Variants in MAX observed in about 807,000 individuals in gnomAD.
MAX encodes the protein protein max.
In MAX, 3 loss-of-function variants were observed where a neutral mutation model predicts 22.3. The observed-to-expected ratio is 0.13, with a 90% CI of 0.06 to 0.35. The LOEUF (loss-of-function observed/expected upper bound fraction) is 0.35, where lower values mean the gene tolerates loss of function less well. MAX is among the 10% of genes least tolerant of loss of function. The pLI, the probability that MAX is intolerant of heterozygous loss-of-function variation, is 1.00. For synonymous variants in MAX, 72 were observed against 77.7 expected, an observed-to-expected ratio of 0.93 and a Z score of 0.39; for missense variants, 119 against 209.4, an observed-to-expected ratio of 0.57 and a Z score of 2.66.
In MAX at chr14:65,102,378, G is replaced by T; in HGVS notation, c.-39C>A. 6.2e-7 allele frequency: 1 copy of T among 1,609,004 alleles called. No homozygotes were observed. On this transcript the variant is annotated 5_prime_UTR_variant, in exon 1 of 5. Transcript: ENST00000358664. ...GGGAGCGGCCACTGCAGCGGCGGCGGGGAGGGGAAGGGGTGAAGGGGAGGG... is the reference window on the plus strand; with the variant it reads ...GGGAGCGGCCACTGCAGCGGCGGCGTGGAGGGGAAGGGGTGAAGGGGAGGG...
At chr14:65,094,008 C>G in intron 2 of MAX, 193 bp from the exon 3 acceptor site, 1 of 635,216 alleles carries the variant, frequency 1.6e-6, no homozygotes, top group Non-Finnish European at 2.9e-6. Context: ...GGGTGAGCAA[C>G]GCTTGCGACA....
Position 65,026,283 on chromosome 14 carries a change from G to A in MAX, c.172-19999C>T, listed in dbSNP as rs186634234. ...TTTCTGGTGCACTTCGGAAGACCCC[G>A]GACTGATGATAGGGCTCTCTTGATT... is the stretch of plus-strand genomic sequence containing the variant. On this transcript the variant is annotated intron_variant, in intron 3 of 3. Coordinates refer to the MAX transcript ENST00000341653. 1.6e-4 allele frequency among the ~76,000 whole-genome samples: 24 copies of A among 152,270 alleles called. No homozygotes were observed. In the East Asian group the frequency reaches 2.9e-3, roughly 18 times the overall value.
chr14:65,093,210 G>A lies in MAX; in HGVS notation c.171+498C>T, dbSNP rs1459334925. Among the ~76,000 whole-genome samples the A allele has an allele frequency of 2.6e-5, 4 of 151,998 alleles. No individual in the cohort carries two copies. Among genetic ancestry groups the A allele is most frequent in the South Asian group, 2.1e-4 (1 of 4,806 alleles). Reference sequence around the variant, plus strand: ...CCACAGCTTAAAATGCTCTTTATACGCCTTGGAAATAACAATTATTGGGGC... The same window carrying A: ...CCACAGCTTAAAATGCTCTTTATACACCTTGGAAATAACAATTATTGGGGC... On this transcript the variant is annotated intron_variant, in intron 3 of 4. Coordinates refer to ENST00000358664, the MANE Select transcript of MAX (RefSeq NM_002382.5). The surrounding 1 kb of genome is among the most constrained non-coding windows in gnomAD (Gnocchi z 4.4).
chr14:65,091,012 A>G (rs1296870411), intron 3 of MAX, among the ~76,000 whole-genome samples: 1 of 152,246 alleles, frequency 6.6e-6, no homozygotes. Context: ...CTAAGGGAGA[A>G]GTCAGCTGAA....
At chr14:65,072,534 T>C (rs2139722806), downstream of MAX, among the ~76,000 whole-genome samples, 1 of 152,342 alleles carries the variant, frequency 6.6e-6, no homozygotes. Flanking sequence ...CGGGTTATAT[T>C]ACTGTTGGGA....
chr14:65,045,406 C>G (rs2062453781), intron 3 of MAX, among the ~76,000 whole-genome samples: 2 of 144,600 alleles, frequency 1.4e-5, no homozygotes, highest in South Asian at 2.4e-4. Context: ...CCCCCCACCC[C>G]CCGTCTTCCC....
intron 3 of MAX, chr14:65,083,599 G>A (rs1429032142): frequency 8.8e-6 from 4 of 451,990 alleles, no homozygotes; most frequent in African/African-American, 2.1e-5. Context: ...ATGCTGACGT[G>A]AGAAACAATA....
At chr14:65,061,413 C>T in intron 3 of MAX, 1 of 1,506,748 alleles carries the variant, frequency 6.6e-7, no homozygotes, top group Non-Finnish European at 8.9e-7. Context: ...CAAGCCTTAG[C>T]CTCAGTGGAG....
chr14:65,031,140 A>G lies in MAX; in HGVS notation c.172-24856T>C, dbSNP rs994636732. On this transcript the variant is annotated intron_variant, in intron 3 of 3. Transcript: ENST00000341653. The surrounding 1 kb of genome is among the most constrained non-coding windows in gnomAD (Gnocchi z 4.6). ...GGATTTTTGAGCAGAATTCAAACCA[A>G]TGATTTTTGTCTTCCCTGTGCCGGG... Among the ~76,000 whole-genome samples the G allele has an allele frequency of 4.6e-5, 7 of 151,838 alleles. No individual in the cohort carries two copies. The highest frequency in any genetic ancestry group is 1.2e-4 in the African/African-American group (5 of 41,320).
chr14:65,091,667 C>T (rs1461154530), intron 3 of MAX, among the ~76,000 whole-genome samples: 1 of 152,224 alleles, frequency 6.6e-6, no homozygotes, highest in Admixed American at 6.5e-5. Flanking sequence ...GACAGATGCA[C>T]TACTCTTTGC....
intron 3 of MAX, among the ~76,000 whole-genome samples, chr14:65,035,375 G>GT (rs1160030933): frequency 3.3e-5 from 5 of 152,214 alleles, no homozygotes; most frequent in South Asian, 4.1e-4. Context: ...TCAGGAAGCT[G>GT]TTTTTTTGTA....
intron 3 of MAX, among the ~76,000 whole-genome samples, chr14:65,066,478 CTCA>C (rs1265380714): frequency 6.6e-6 from 1 of 152,232 alleles, no homozygotes; most frequent in Non-Finnish European, 1.5e-5. Context: ...GGACAGGGCG[CTCA>C]TCATTAGCCC....
chr14:65,009,316 C>G lies in MAX; in HGVS notation c.172-3032G>C, dbSNP rs1195601776. ...CTCCTGAGGCTGCTGACTGGCTTCACCAACATGTTATATTTCTTAATTTCA... is the reference window on the plus strand; with the variant it reads ...CTCCTGAGGCTGCTGACTGGCTTCAGCAACATGTTATATTTCTTAATTTCA... On this transcript the variant is annotated intron_variant, in intron 3 of 3. Coordinates refer to the MAX transcript ENST00000341653. The surrounding 1 kb of genome is among the most constrained non-coding windows in gnomAD (Gnocchi z 4.2). Among the ~76,000 whole-genome samples the G allele has an allele frequency of 6.6e-6, 1 of 152,124 alleles. No homozygotes were observed. Among genetic ancestry groups the G allele is most frequent in the Non-Finnish European group, 1.5e-5 (1 of 68,030 alleles).
Position 65,044,335 on chromosome 14 carries a change from C to T in MAX, c.172-38051G>A. ...GCAATGGGTGACAAGCCGGCAGATG[C>T]GATTTGAAGGAGGATTTCAGGGCCG... On this transcript the variant is annotated intron_variant, in intron 3 of 3. Transcript: ENST00000341653. This position sits in a 1 kb window ranked among gnomAD's most constrained non-coding sequence, Gnocchi z 5.5. 1.2e-6 allele frequency: 2 copies of T among 1,613,398 alleles called. No individual in the cohort carries two copies. Among genetic ancestry groups the T allele is most frequent in the South Asian group, 1.1e-5 (1 of 90,834 alleles).
chr14:65,010,595 A>G (rs1473531639), intron 3 of MAX, among the ~76,000 whole-genome samples: 2 of 152,210 alleles, frequency 1.3e-5, no homozygotes, highest in Admixed American at 1.3e-4. Context: ...ATTTTCAGAT[A>G]CTTCAGTTTG....
Position 65,077,629 on chromosome 14 carries a change from C to T in MAX, c.295+284G>A. ...CACCTGATGCCAGGTGTGATCCCTA[C>T]TGCAGGCAGAGCACCTGAGCCCCAA... On this transcript the variant is annotated intron_variant, in intron 4 of 4. Transcript: ENST00000358664. The surrounding 1 kb of genome is among the most constrained non-coding windows in gnomAD (Gnocchi z 6.3). The T allele has an allele frequency of 8.3e-7, 1 of 1,209,104 alleles. No individual in the cohort carries two copies. Among genetic ancestry groups the T allele is most frequent in the Non-Finnish European group, 1.2e-6 (1 of 842,104 alleles). 74.9% of individuals were successfully genotyped at this position (1,209,104 alleles called of 1,614,324 possible).
At chr14:65,033,829 C>T (rs1409910154) in intron 3 of MAX, among the ~76,000 whole-genome samples, 2 of 152,132 alleles carry the variant, frequency 1.3e-5, no homozygotes, top group Non-Finnish European at 2.9e-5. Flanking sequence ...TGCACTCCAG[C>T]CTGGGCGACA....
Position 65,031,979 on chromosome 14 carries a change from C to CGTGTGTGTGTGTGTGTGTGTGTGTGT in MAX, c.172-25721_172-25696dup, listed in dbSNP as rs563468928. Among the ~76,000 whole-genome samples the CGTGTGTGTGTGTGTGTGTGTGTGTGT allele has an allele frequency of 4.9e-4, 69 of 141,286 alleles. No homozygotes were observed. Among genetic ancestry groups the CGTGTGTGTGTGTGTGTGTGTGTGTGT allele is most frequent in the African/African-American group, 1.7e-3 (63 of 37,888 alleles). 92.7% of individuals were successfully genotyped at this position (141,286 alleles called of 152,430 possible). On this transcript the variant is annotated intron_variant, in intron 3 of 3. Transcript: ENST00000341653. This position sits in a 1 kb window ranked among gnomAD's most constrained non-coding sequence, Gnocchi z 4.6. ...ATAGACGTGCGCCTTTTTCATTTAA[C>CGTGTGTGTGTGTGTGTGTGTGTGTGT]GTGTGTGTGTGTGTGTGTGTGTGTG...
Position 65,093,505 on chromosome 14 carries a change from C to T in MAX, c.171+203G>A, listed in dbSNP as rs78073384. On this transcript the variant is annotated intron_variant, in intron 3 of 4. Transcript: ENST00000358664. The surrounding 1 kb of genome is among the most constrained non-coding windows in gnomAD (Gnocchi z 4.4). ...CCTACCATTATCTCACAAATAGCTC[C>T]ATTATATCTGACATATTTTGTTAAG... The T allele has an allele frequency of 2.0e-3, 1,194 of 597,128 alleles. 17 individuals carry two copies. The East Asian group carries it at 0.03, about 15-fold the overall frequency. 37.0% of individuals were successfully genotyped at this position (597,128 alleles called of 1,614,324 possible).
Sources: allele counts gnomAD v4.1 joint callset (sites outside exome capture counted in the v4.1 genomes callset), GRCh38; gene constraint gnomAD v4.1.1; non-coding constraint Gnocchi (gnomAD v3.1); transcripts MANE v1.5; gene names NCBI Gene and HGNC (gene_info 2026-07-23, HGNC 2026-07-21).